YEATS2: variants seen among roughly 807,000 people sequenced by gnomAD.
The protein encoded by YEATS2 is YEATS domain containing 2.
In YEATS2, 77 loss-of-function variants were observed where a neutral mutation model predicts 163.2. The ratio of observed to expected loss-of-function variants is 0.47; its 90% CI spans 0.39 to 0.57. YEATS2 has a LOEUF of 0.57. Among genes scored for constraint, YEATS2 ranks in the 20% least tolerant of loss-of-function variants. YEATS2 has a pLI of 0.00. For synonymous variants in YEATS2, 631 were observed against 645.1 expected (o/e 0.98, Z 0.33); for missense variants, 1,549 against 1,729.8 (o/e 0.90, Z 1.85).
intron 24 of YEATS2, chr3:183,800,839 G>C: frequency 6.0e-6 from 2 of 331,722 alleles, no homozygotes; most frequent in East Asian, 1.3e-4. Flanking sequence ...GCCAACATGG[G>C]CTTTCTCTGC....
intron 24 of YEATS2, chr3:183,800,914 G>T: frequency 4.9e-6 from 1 of 203,066 alleles, no homozygotes; most frequent in African/African-American, 2.3e-5. Flanking sequence ...TTTGTGACTG[G>T]GTGTCCACAC....
intron 21 of YEATS2, chr3:183,793,174 A>G: frequency 7.8e-7 from 1 of 1,288,780 alleles, no homozygotes; most frequent in Non-Finnish European, 1.0e-6. Context: ...AATATCACCG[A>G]GATACACACA....
chr3:183,726,246 A>C (rs1717085516), intron 6 of YEATS2, among the ~76,000 whole-genome samples: 1 of 152,196 alleles, frequency 6.6e-6, no homozygotes, highest in Non-Finnish European at 1.5e-5. Flanking sequence ...AATTGTGTCA[A>C]TGTGTGTAAG....
chr3:183,805,356 C>G (rs1476095232), intron 27 of YEATS2, among the ~76,000 whole-genome samples: 1 of 151,850 alleles, frequency 6.6e-6, no homozygotes, highest in Non-Finnish European at 1.5e-5. Flanking sequence ...GCCATGAGCA[C>G]ACCACTGCAC....
At chr3:183,707,453 G>C (rs1714726728) in intron 1 of YEATS2, among the ~76,000 whole-genome samples, 1 of 152,146 alleles carries the variant, frequency 6.6e-6, no homozygotes, top group South Asian at 2.1e-4. Context: ...GGACTTTTGA[G>C]ACATTTTTGA....
intron 20 of YEATS2, among the ~76,000 whole-genome samples, chr3:183,788,519 A>G (rs1724282009): frequency 1.3e-5 from 2 of 152,224 alleles, no homozygotes; most frequent in African/African-American, 4.8e-5. Flanking sequence ...TATTGTGTAT[A>G]TGTACCACAT....
chr3:183,801,443 T>A lies in YEATS2; in HGVS notation c.3429-12T>A, dbSNP rs757357521. The A allele has an allele frequency of 1.1e-5, 18 of 1,592,964 alleles. No individual in the cohort carries two copies. Among genetic ancestry groups the A allele is most frequent in the Non-Finnish European group, 1.5e-5 (18 of 1,170,874 alleles). ...TTAATTTATTGCCTTAATTTTTTTT[T>A]ATCTCTCTCAGGATAGACCATTTAG... On this transcript the variant is annotated splice_polypyrimidine_tract_variant and intron_variant, in intron 24 of 30. Coordinates refer to ENST00000305135, the MANE Select transcript of YEATS2 (RefSeq NM_018023.5).
intron 21 of YEATS2, among the ~76,000 whole-genome samples, chr3:183,796,516 C>CT (rs931372527): frequency 1.1e-4 from 16 of 150,682 alleles, no homozygotes; most frequent in African/African-American, 3.9e-4. Flanking sequence ...ACAAAGGCTG[C>CT]TGCACAGAGG....
intron 8 of YEATS2, among the ~76,000 whole-genome samples, chr3:183,745,150 C>T (rs1253078028): frequency 6.6e-6 from 1 of 152,176 alleles, no homozygotes; most frequent in Non-Finnish European, 1.5e-5. Context: ...GCGCCCTGGC[C>T]CCTGCCCACT....
At chr3:183,795,472 T>G (rs1417358533) in intron 21 of YEATS2, among the ~76,000 whole-genome samples, 1 of 105,916 alleles carries the variant, frequency 9.4e-6, no homozygotes, top group African/African-American at 3.3e-5. Context: ...TTTTTTTTTT[T>G]TTTTTTTTTT....
chr3:183,742,942 C>G (rs567006415), intron 8 of YEATS2, among the ~76,000 whole-genome samples: 1 of 152,314 alleles, frequency 6.6e-6, no homozygotes, highest in African/African-American at 2.4e-5. Context: ...ACTCAAGGCT[C>G]AAGGTGATCA....
chr3:183,810,379 C>A, intron 30 of YEATS2, 96 bp from the exon 31 acceptor site: 1 of 1,168,000 alleles, frequency 8.6e-7, no homozygotes. Flanking sequence ...CACGGGGCCT[C>A]TGCCTGGGAT....
At position 183,785,079 on chromosome 3, in the gene YEATS2, A is replaced by G. The variant is rs1415607672; in HGVS notation, c.2737-1046A>G. Among the ~76,000 whole-genome samples, 5 of 151,924 alleles carry G rather than the reference A, an allele frequency of 3.3e-5. No homozygotes were observed. The East Asian group carries it at 9.7e-4, about 29-fold the overall frequency. ...AAGAGCAAAACTCTGTCTCAAAAAAAAAAGTTTGTTGAGCCTTTATTTAGA... is the reference window on the plus strand; with the variant it reads ...AAGAGCAAAACTCTGTCTCAAAAAAGAAAGTTTGTTGAGCCTTTATTTAGA... On this transcript the variant is annotated intron_variant, in intron 19 of 30. Coordinates refer to ENST00000305135, the MANE Select transcript of YEATS2 (RefSeq NM_018023.5).
At chr3:183,725,259 A>AC (rs1346531888) in intron 6 of YEATS2, among the ~76,000 whole-genome samples, 1 of 151,940 alleles carries the variant, frequency 6.6e-6, no homozygotes, top group Non-Finnish European at 1.5e-5. Context: ...AATAACCCCT[A>AC]CCCTTGCTTG....
At chr3:183,786,407 A>C in intron 20 of YEATS2, 106 bp downstream of exon 20, 3 of 1,117,786 alleles carry the variant, frequency 2.7e-6, no homozygotes, top group Non-Finnish European at 3.7e-6. Context: ...AAAATACTCA[A>C]CTATTGCTTT....
At chr3:183,791,073 G>T in intron 21 of YEATS2, 93 bp downstream of exon 21, 1 of 1,494,784 alleles carries the variant, frequency 6.7e-7, no homozygotes. Context: ...TCACTCTGTC[G>T]CCCAAGCTAG....
chr3:183,800,887 C>G (rs1012410547), intron 24 of YEATS2: 4 of 279,058 alleles, frequency 1.4e-5, no homozygotes, highest in African/African-American at 2.2e-5. Flanking sequence ...GTTGCCATCA[C>G]TCAGGTGTGT....
At chr3:183,777,488 C>G (rs370205750) in intron 18 of YEATS2, 54 bp from the exon 19 acceptor site, 174 of 1,578,920 alleles carry the variant, frequency 1.1e-4, no homozygotes, top group Non-Finnish European at 1.3e-4. Context: ...TCAGAACAGC[C>G]CATCTGAATT....
chr3:183,777,123 A>G (rs1310712516), intron 18 of YEATS2, among the ~76,000 whole-genome samples: 4 of 152,220 alleles, frequency 2.6e-5, no homozygotes, highest in Non-Finnish European at 5.9e-5. Context: ...TCAAGTTGTA[A>G]TATTTAGAGT....
Sources: gnomAD v4.1 joint callset for allele counts (sites outside exome capture counted in the v4.1 genomes callset) on GRCh38, gnomAD v4.1.1 for gene constraint, MANE v1.5 for transcripts, NCBI Gene and HGNC (gene_info 2026-07-23, HGNC 2026-07-21) for gene names.